IQGAP3: variants seen among roughly 807,000 people sequenced by gnomAD.
IQGAP3 encodes the protein ras GTPase-activating-like protein IQGAP3.
In IQGAP3, 165 loss-of-function variants were observed where a neutral mutation model predicts 208.2. The observed-to-expected ratio is 0.79, with a 90% CI of 0.70 to 0.90. IQGAP3 has a LOEUF of 0.90. Ranked by LOEUF, IQGAP3 falls within the 40% of genes least tolerant of loss-of-function variation. IQGAP3 has a pLI of 0.00. For missense variants in IQGAP3, 1,811 were observed against 2,043.1 expected, an observed-to-expected ratio of 0.89 and a Z score of 2.19; for synonymous variants, 703 against 803.6, an observed-to-expected ratio of 0.87 and a Z score of 2.12.
intron 1 of IQGAP3, among the ~76,000 whole-genome samples, chr1:156,570,623 C>G (rs371091934): frequency 1.6e-4 from 24 of 152,264 alleles, no homozygotes; most frequent in South Asian, 8.3e-4. Context: ...CCACCTCAGC[C>G]CCCCCACCAC....
At chr1:156,533,198 C>T in intron 31 of IQGAP3, 92 bp from the exon 32 acceptor site, 14 of 1,517,570 alleles carry the variant, frequency 9.2e-6, no homozygotes, top group Non-Finnish European at 1.3e-5. Context: ...GATGGGGTCA[C>T]ATTAAATCAG....
chr1:156,569,014 T>C (rs572123260), intron 2 of IQGAP3, among the ~76,000 whole-genome samples: 1 of 152,252 alleles, frequency 6.6e-6, no homozygotes, highest in East Asian at 1.9e-4. Flanking sequence ...GCTTTTTGGA[T>C]CCTTATTTGA....
At chr1:156,554,213 T>C (rs761393629) in intron 13 of IQGAP3, 22 bp downstream of exon 13, 1 of 1,587,858 alleles carries the variant, frequency 6.3e-7, no homozygotes, top group South Asian at 1.1e-5. Flanking sequence ...TCACTCCCAA[T>C]GTGTGGCTAA....
At chr1:156,568,761 A>G (rs1676513994) in intron 2 of IQGAP3, among the ~76,000 whole-genome samples, 2 of 152,336 alleles carry the variant, frequency 1.3e-5, no homozygotes, top group African/African-American at 4.8e-5. Flanking sequence ...AATCTAATTA[A>G]GCCAACATTC....
chr1:156,529,201 C>T, intron 34 of IQGAP3, 119 bp from the exon 35 acceptor site: 1 of 1,108,982 alleles, frequency 9.0e-7, no homozygotes, highest in Non-Finnish European at 1.3e-6. Flanking sequence ...GGCTTCAAGG[C>T]TGTTTTCCTA....
chr1:156,543,920 G>C, intron 22 of IQGAP3, 61 bp downstream of exon 22: 2 of 1,445,404 alleles, frequency 1.4e-6, no homozygotes, highest in Non-Finnish European at 1.9e-6. Context: ...GTCTAGACCT[G>C]CCTGGCTCTG....
intron 29 of IQGAP3, 49 bp from the exon 30 acceptor site, chr1:156,534,190 C>T: frequency 6.8e-6 from 11 of 1,607,208 alleles, no homozygotes; most frequent in Non-Finnish European, 9.3e-6. Flanking sequence ...CAGCACCCCA[C>T]ACATCTTCTG....
In IQGAP3 at chr1:156,535,213, C is replaced by A. The variant is rs750263948; in HGVS notation, c.3457G>T (p.Ala1153Ser). The A allele has an allele frequency of 6.2e-7, 1 of 1,613,540 alleles. No homozygotes were observed. The highest frequency in any genetic ancestry group is 8.5e-7 in the Non-Finnish European group (1 of 1,179,700). The part of the protein sequence containing the change: ...GMRYVAKVLK[A>S]TLAEKFPDAT... ...TCAGGGAATTTCTCTGCCAGAGTTGCCTTCAGGACTTTGGCCACATATCGC... is the reference window on the plus strand; with the variant it reads ...TCAGGGAATTTCTCTGCCAGAGTTGACTTCAGGACTTTGGCCACATATCGC... The change falls in exon 28 of 38, where the codon GCA becomes TCA. Residue 1153 changes from alanine (A) to serine (S), a missense_variant. Coordinates refer to ENST00000361170, the MANE Select transcript of IQGAP3 (RefSeq NM_178229.5).
At chr1:156,560,741 C>T (rs1004476561) in intron 11 of IQGAP3, among the ~76,000 whole-genome samples, 193 bp downstream of exon 11, 1 of 152,114 alleles carries the variant, frequency 6.6e-6, no homozygotes, top group African/African-American at 2.4e-5. Flanking sequence ...TCTCTAAGGC[C>T]TTAATGAACT....
rs774730237 is a variant in IQGAP3, at chr1:156,548,753, CA to C, written c.1826-6del. ...TGGCAGCCACACCAAGAGCCACTGACAGGGGCATCAGGAGAGAGCAGTCAAT... is the reference window on the plus strand; with the variant it reads ...TGGCAGCCACACCAAGAGCCACTGACGGGGCATCAGGAGAGAGCAGTCAAT... On this transcript the variant is annotated splice_region_variant and splice_polypyrimidine_tract_variant and intron_variant, in intron 16 of 37. Transcript: ENST00000361170. 75 of 1,561,012 alleles carry C rather than the reference CA, an allele frequency of 4.8e-5. No homozygotes were observed. The highest frequency in any genetic ancestry group is 5.5e-5 in the Non-Finnish European group (63 of 1,152,160).
intron 26 of IQGAP3, 108 bp from the exon 27 acceptor site, chr1:156,537,429 G>T: frequency 1.8e-6 from 2 of 1,131,526 alleles, no homozygotes; most frequent in East Asian, 2.6e-5. Context: ...TCATACAGAT[G>T]TGCTAAGGAC....
intron 13 of IQGAP3, among the ~76,000 whole-genome samples, chr1:156,553,792 G>C (rs1474154675): frequency 6.6e-6 from 1 of 151,976 alleles, no homozygotes; most frequent in Non-Finnish European, 1.5e-5. Flanking sequence ...CATTGGTTAG[G>C]CTGGTCCCAA....
intron 13 of IQGAP3, 38 bp downstream of exon 13, chr1:156,554,197 C>T (rs1004772102): frequency 1.9e-6 from 3 of 1,562,250 alleles, no homozygotes; most frequent in Non-Finnish European, 2.6e-6. Flanking sequence ...TGCATTCCCC[C>T]ATCCCTCACT....
At chr1:156,529,129 G>A in intron 34 of IQGAP3, 47 bp from the exon 35 acceptor site, 2 of 1,601,416 alleles carry the variant, frequency 1.2e-6, no homozygotes, top group Non-Finnish European at 1.7e-6. Context: ...TTCCTGGCAG[G>A]AGAGCCTTAG....
chr1:156,562,594 A>G lies in IQGAP3; in HGVS notation c.870T>C (p.His290=), dbSNP rs754075041. The G allele has an allele frequency of 1.1e-5, 18 of 1,613,662 alleles. No homozygotes were observed. In the South Asian group the frequency reaches 1.3e-4, roughly 12 times the overall value. Residue 290 remains histidine (H), a synonymous_variant, in exon 9 of 38, where the codon CAT becomes CAC. Transcript: ENST00000361170. ...TQAEIQGNIN[H]VNVHGALEVV... Reference sequence around the variant, plus strand: ...CTGCTCGAGGTCTCTTACCGTTGACATGGTTGATATTGCCCTGGATTTCAG... The same window carrying G: ...CTGCTCGAGGTCTCTTACCGTTGACGTGGTTGATATTGCCCTGGATTTCAG...
At chr1:156,563,721 C>T in intron 6 of IQGAP3, 36 bp downstream of exon 6, 1 of 1,610,942 alleles carries the variant, frequency 6.2e-7, no homozygotes, top group Middle Eastern at 1.7e-4. Context: ...AAGACCCTGC[C>T]CAGGCTGTGG....
At chr1:156,552,217 T>G in intron 13 of IQGAP3, 122 bp from the exon 14 acceptor site, 9 of 1,217,492 alleles carry the variant, frequency 7.4e-6, no homozygotes, top group African/African-American at 1.5e-5. Flanking sequence ...TTTAGTTCTC[T>G]TCTTGCCTCA....
Position 156,566,035 on chromosome 1 carries a change from G to C in IQGAP3, c.352C>G (p.Leu118Val). The part of the protein sequence containing the change: ...FWLSAIAHIG[L>V]PSTFFPETTD... ...TTCAGGCCCAGTATTACCGAAGGCA[G>C]ACCGATGTGGGCTATTGCAGATAGC... Residue 118 changes from leucine to valine, a missense_variant, in exon 4 of 38, where the codon CTG (leucine) becomes GTG (valine). Leu to Val is a conservative substitution (Grantham distance 32). Coordinates refer to ENST00000361170, the MANE Select transcript of IQGAP3 (RefSeq NM_178229.5). 6.2e-7 allele frequency: 1 copy of C among 1,612,956 alleles called. No homozygotes were observed. The highest frequency in any genetic ancestry group is 8.5e-7 in the Non-Finnish European group (1 of 1,178,950).
In IQGAP3 at chr1:156,548,096, G is replaced by A. The variant is rs1233335276; in HGVS notation, c.2281C>T (p.Leu761Phe). Residue 761 changes from leucine to phenylalanine, a missense_variant, in exon 19 of 38, where the codon CTC (leucine) becomes TTC (phenylalanine). Physicochemically the swap from Leu to Phe is conservative, Grantham distance 22. Transcript: ENST00000361170. ...ACCTGGATCTTGATGACTGCTGGGAGCCAGGTCCTCAGAAAGTGGGAATGC... is the reference window on the plus strand; with the variant it reads ...ACCTGGATCTTGATGACTGCTGGGAACCAGGTCCTCAGAAAGTGGGAATGC... ...AEHSHFLRTW[L>F]PAVIKIQAHW... 1 of 1,613,458 alleles carries A rather than the reference G, an allele frequency of 6.2e-7. No individual in the cohort carries two copies. The highest frequency in any genetic ancestry group is 1.3e-5 in the African/African-American group (1 of 74,906).
Sources: gnomAD v4.1 joint callset for allele counts (sites outside exome capture counted in the v4.1 genomes callset) on GRCh38, gnomAD v4.1.1 for gene constraint, MANE v1.5 for transcripts, NCBI Gene and HGNC (gene_info 2026-07-23, HGNC 2026-07-21) for gene names.